SLC14A1: variants seen among roughly 807,000 people sequenced by gnomAD.
SLC14A1 encodes the protein solute carrier family 14 member 1 (Kidd blood group).
SLC14A1 carries 36 observed loss-of-function variants against 39.6 expected under a neutral mutation model. That is an observed-to-expected ratio of 0.91 (90% CI 0.70 to 1.20). SLC14A1 has a LOEUF of 1.20. Ranked by LOEUF, SLC14A1 falls within the 50% of genes most tolerant of loss-of-function variation. The pLI is 0.00. For synonymous variants in SLC14A1, 164 were observed against 173.6 expected, an observed-to-expected ratio of 0.94 and a Z score of 0.43; for missense variants, 469 against 478.7, an observed-to-expected ratio of 0.98 and a Z score of 0.19.
At chr18:45,741,342 A>G (rs1474229486) in intron 8 of SLC14A1, among the ~76,000 whole-genome samples, 1 of 152,238 alleles carries the variant, frequency 6.6e-6, no homozygotes, top group Non-Finnish European at 1.5e-5. Flanking sequence ...TTGGGAACAA[A>G]AAGGAGGAGG....
At chr18:45,727,438 C>A (rs530454367) in intron 2 of SLC14A1, 4 of 1,530,736 alleles carry the variant, frequency 2.6e-6, no homozygotes, top group Non-Finnish European at 3.5e-6. Context: ...CTTCGTGCAG[C>A]CTCTGGCTCG....
intron 3 of SLC14A1, 23 bp downstream of exon 3, chr18:45,730,494 G>A (rs759494185): frequency 9.9e-6 from 16 of 1,613,468 alleles, no homozygotes; most frequent in Non-Finnish European, 1.7e-6. Flanking sequence ...TCACATTTTG[G>A]AGAGACAGGA....
intron 8 of SLC14A1, among the ~76,000 whole-genome samples, chr18:45,747,932 T>C (rs1203570701): frequency 1.3e-5 from 2 of 152,230 alleles, no homozygotes; most frequent in African/African-American, 2.4e-5. Flanking sequence ...GAATCCTAGA[T>C]GCTATCTCAA....
rs200803895 is a variant in SLC14A1 at position 45,743,616 on chromosome 18, AG to A, written c.946+3955del. On this transcript the variant is annotated intron_variant, in intron 8 of 9. Transcript: ENST00000321925. ...GGAAGTTACCATATTTAATTCATAC[AG>A]TTGTTCTGATGATTAAGTTAGTTAA... Among the ~76,000 whole-genome samples, 372 of 152,306 alleles carry A rather than the reference AG, an allele frequency of 2.4e-3. 2 individuals are homozygous for A. Among genetic ancestry groups the A allele is most frequent in the African/African-American group, 8.5e-3 (354 of 41,562 alleles).
Position 45,750,308 on chromosome 18 carries a change from C to A in SLC14A1, c.*357C>A. The A allele has an allele frequency of 8.5e-7, 1 of 1,176,218 alleles. No homozygotes were observed. The highest frequency in any genetic ancestry group is 2.0e-5 in the South Asian group (1 of 50,460). 72.9% of individuals were successfully genotyped at this position (1,176,218 alleles called of 1,614,324 possible). ...TGTTTAGCTGGCTCGATGATGTTAACAGTATTAAAAATTAAACCCCATAAA... is the reference window on the plus strand; with the variant it reads ...TGTTTAGCTGGCTCGATGATGTTAAAAGTATTAAAAATTAAACCCCATAAA... On this transcript the variant is annotated 3_prime_UTR_variant, in exon 10 of 10. Coordinates refer to ENST00000321925, the MANE Select transcript of SLC14A1 (RefSeq NM_015865.7).
Position 45,727,498 on chromosome 18 carries a change from G to A in SLC14A1, c.-22+2485G>A, listed in dbSNP as rs1026970373. 3.8e-5 allele frequency: 55 copies of A among 1,446,850 alleles called. 2 individuals carry two copies. The Admixed American group carries it at 9.6e-4, about 25-fold the overall frequency. 89.6% of individuals were successfully genotyped at this position (1,446,850 alleles called of 1,614,324 possible). A position where few individuals can be genotyped will look rare whatever the true frequency, so the allele number is the denominator to read the frequency against. On this transcript the variant is annotated intron_variant, in intron 2 of 9. Transcript: ENST00000321925. ...CTCTGGTGTATCTTTTCCGGGCAGA[G>A]CCTGGGAAGTGGGGGTTGGCTGTGA...
intron 4 of SLC14A1, chr18:45,731,675 T>C: frequency 4.5e-6 from 1 of 220,470 alleles, no homozygotes; most frequent in Non-Finnish European, 9.2e-6. Flanking sequence ...AGAATAACCA[T>C]GAATTCCAAT....
chr18:45,735,048 C>G (rs549552933), intron 5 of SLC14A1, among the ~76,000 whole-genome samples: 2 of 152,314 alleles, frequency 1.3e-5, no homozygotes, highest in East Asian at 3.9e-4. Flanking sequence ...AATGAAGATA[C>G]GAGTGCAGGT....
At position 45,734,326 on chromosome 18, in the gene SLC14A1, C is replaced by T. The variant is rs2047119887; in HGVS notation, c.394C>T (p.Leu132Phe). 6.2e-7 allele frequency: 1 copy of T among 1,613,818 alleles called. No individual in the cohort carries two copies. Among genetic ancestry groups the T allele is most frequent in the Non-Finnish European group, 8.5e-7 (1 of 1,179,956 alleles). The change falls in exon 5 of 10, where the codon CTC becomes TTC. Residue 132 changes from leucine (L) to phenylalanine (F), a missense_variant. Coordinates refer to ENST00000321925, the MANE Select transcript of SLC14A1 (RefSeq NM_015865.7). ...YGYNATLVGV[L>F]MAVFSDKGDY... ...CTACAATGCCACCCTGGTGGGAGTA[C>T]TCATGGCTGTCTTTTCGGACAAGGG...
intron 2 of SLC14A1, chr18:45,729,023 A>T (rs2046947016): frequency 6.6e-6 from 1 of 152,192 alleles, no homozygotes; most frequent in Admixed American, 6.5e-5. Flanking sequence ...GTATCTGTTC[A>T]TTGCTATTTG....
chr18:45,742,733 A>G (rs1394357090), intron 8 of SLC14A1, among the ~76,000 whole-genome samples: 1 of 150,834 alleles, frequency 6.6e-6, no homozygotes, highest in Non-Finnish European at 1.5e-5. Flanking sequence ...GCTGGCATGC[A>G]GTGGCACGAT....
At chr18:45,742,686 G>GTTA (rs2144827657) in intron 8 of SLC14A1, among the ~76,000 whole-genome samples, 1 of 148,908 alleles carries the variant, frequency 6.7e-6, no homozygotes, top group South Asian at 2.1e-4. Flanking sequence ...TTATGTTGTT[G>GTTA]TTGTTGTTTG....
intron 2 of SLC14A1, among the ~76,000 whole-genome samples, chr18:45,727,631 G>A (rs1018744932): frequency 6.6e-6 from 1 of 152,204 alleles, no homozygotes; most frequent in African/African-American, 2.4e-5. Context: ...TGGAAAAGCT[G>A]GGGATAAGTC....
intron 2 of SLC14A1, chr18:45,729,081 G>A (rs1214783519): frequency 6.6e-6 from 1 of 152,174 alleles, no homozygotes; most frequent in Non-Finnish European, 1.5e-5. Context: ...TATCCATGAG[G>A]ACCATTTGAT....
At position 45,752,177 on chromosome 18, in the gene SLC14A1, G is replaced by C. The variant is rs2047727737; in HGVS notation, c.*2226G>C. 1.0e-6 allele frequency: 1 copy of C among 985,338 alleles called. No individual in the cohort carries two copies. The highest frequency in any genetic ancestry group is 1.2e-6 in the Non-Finnish European group (1 of 829,932). The allele number at this position is 985,338 out of a possible 1,614,324, so 61.0% of individuals were successfully genotyped here. ...GTTTGAACTGAACCCTTTCTTGTTA[G>C]GGAACGTGTGAAAGAAGAATTGTGG... On this transcript the variant is annotated 3_prime_UTR_variant, in exon 10 of 10. Coordinates refer to ENST00000321925, the MANE Select transcript of SLC14A1 (RefSeq NM_015865.7).
chr18:45,751,439 G>C lies in SLC14A1; in HGVS notation c.*1488G>C. On this transcript the variant is annotated 3_prime_UTR_variant, in exon 10 of 10. Coordinates refer to ENST00000321925, the MANE Select transcript of SLC14A1 (RefSeq NM_015865.7). ...CTGTTTTCCTCTCTTTAATTTTAAAGTTATCAGTTCCGTAAAGTCTCTGTA... is the reference window on the plus strand; with the variant it reads ...CTGTTTTCCTCTCTTTAATTTTAAACTTATCAGTTCCGTAAAGTCTCTGTA... 3 of 983,362 alleles carry C rather than the reference G, an allele frequency of 3.1e-6. No individual in the cohort carries two copies. The highest frequency in any genetic ancestry group is 2.4e-6 in the Non-Finnish European group (2 of 829,606). 60.9% of individuals were successfully genotyped at this position (983,362 alleles called of 1,614,324 possible). A position where few individuals can be genotyped will look rare whatever the true frequency, so the allele number is the denominator to read the frequency against.
At chr18:45,724,445 G>A (rs1198579608) in intron 1 of SLC14A1, among the ~76,000 whole-genome samples, 172 bp downstream of exon 1, 1 of 152,222 alleles carries the variant, frequency 6.6e-6, no homozygotes, top group African/African-American at 2.4e-5. Flanking sequence ...ATTTACCAAA[G>A]CCACAGGCTT....
chr18:45,745,350 G>A (rs1015481381), intron 8 of SLC14A1, among the ~76,000 whole-genome samples: 4 of 152,118 alleles, frequency 2.6e-5, no homozygotes, highest in Non-Finnish European at 4.4e-5. Flanking sequence ...CGTTTCCCTC[G>A]GGATACCAGC....
intron 8 of SLC14A1, among the ~76,000 whole-genome samples, chr18:45,745,735 T>C (rs888219697): frequency 6.6e-5 from 10 of 152,220 alleles, no homozygotes; most frequent in Non-Finnish European, 1.0e-4. Flanking sequence ...AAAAGAGCCA[T>C]ACCAGTTTCC....
Sources: gnomAD v4.1 joint callset for allele counts (sites outside exome capture counted in the v4.1 genomes callset) on GRCh38, gnomAD v4.1.1 for gene constraint, MANE v1.5 for transcripts, NCBI Gene and HGNC (gene_info 2026-07-23, HGNC 2026-07-21) for gene names.